The following SINHCAF variants were observed in gnomAD, a reference collection of about 807,000 sequenced individuals.
SINHCAF encodes SIN3-HDAC complex associated factor, also known as SIN3-HDAC complex-associated factor.
In SINHCAF, 3 loss-of-function variants were observed where a neutral mutation model predicts 25.8. The observed-to-expected ratio is 0.12, with a 90% CI of 0.05 to 0.30. SINHCAF has a LOEUF of 0.30. Among genes scored for constraint, SINHCAF ranks in the 10% least tolerant of loss-of-function variants. The pLI, the probability that SINHCAF is intolerant of heterozygous loss-of-function variation, is 1.00. For missense variants in SINHCAF, 121 were observed against 262.3 expected, an observed-to-expected ratio of 0.46 and a Z score of 3.72; for synonymous variants, 70 against 85.5, an observed-to-expected ratio of 0.82 and a Z score of 1.00.
At chr12:31,316,786 T>A (rs748598943) in intron 1 of SINHCAF, among the ~76,000 whole-genome samples, 5 of 152,218 alleles carry the variant, frequency 3.3e-5, no homozygotes, top group Admixed American at 6.5e-5. Flanking sequence ...TGAAAAATAC[T>A]GAAATGCAAA....
chr12:31,301,496 T>C (rs1032224435), intron 1 of SINHCAF, among the ~76,000 whole-genome samples: 8 of 152,214 alleles, frequency 5.3e-5, no homozygotes, highest in Non-Finnish European at 1.0e-4. Flanking sequence ...CCTGTCCTTA[T>C]GCAACACACA....
At chr12:31,307,079 T>C (rs949645797) in intron 1 of SINHCAF, among the ~76,000 whole-genome samples, 1 of 152,052 alleles carries the variant, frequency 6.6e-6, no homozygotes, top group East Asian at 1.9e-4. Context: ...GATGAAGTAA[T>C]GAGAGGTCTT....
intron 1 of SINHCAF, among the ~76,000 whole-genome samples, chr12:31,314,003 C>T (rs183820151): frequency 1.3e-5 from 2 of 151,536 alleles, no homozygotes; most frequent in Non-Finnish European, 2.9e-5. Context: ...AATTAGGAAT[C>T]CCCCACCTAT....
chr12:31,298,280 TA>T (rs758026378), intron 1 of SINHCAF, 56 bp from the exon 2 acceptor site: 43 of 1,597,226 alleles, frequency 2.7e-5, no homozygotes, highest in East Asian at 2.2e-5. Flanking sequence ...AAGGAACCAT[TA>T]AAGAGTTCTC....
At chr12:31,306,739 A>G (rs1000582758) in intron 1 of SINHCAF, among the ~76,000 whole-genome samples, 3 of 151,604 alleles carry the variant, frequency 2.0e-5, no homozygotes, top group Non-Finnish European at 2.9e-5. Flanking sequence ...AGACTAGTCC[A>G]TTTTTTTACG....
At chr12:31,286,240 T>C (rs1017559228) in intron 5 of SINHCAF, among the ~76,000 whole-genome samples, 1 of 152,172 alleles carries the variant, frequency 6.6e-6, no homozygotes, top group Non-Finnish European at 1.5e-5. Flanking sequence ...ATACCTGTTG[T>C]CTAAGTAAAA....
At chr12:31,286,658 G>C (rs117342772) in intron 5 of SINHCAF, among the ~76,000 whole-genome samples, 4 of 131,020 alleles carry the variant, frequency 3.1e-5, no homozygotes, top group Non-Finnish European at 6.3e-5. Context: ...GCAAAACTCC[G>C]TCTCAAAAAA....
At chr12:31,294,330 T>C (rs74701082) in intron 3 of SINHCAF, among the ~76,000 whole-genome samples, 1,744 of 152,288 alleles carry the variant, frequency 0.011, 16 homozygotes, top group East Asian at 0.037. Flanking sequence ...GAGCTACTTT[T>C]GTTACTCCAA....
chr12:31,286,656 C>A (rs1280893286), intron 5 of SINHCAF, among the ~76,000 whole-genome samples: 1 of 147,628 alleles, frequency 6.8e-6, no homozygotes, highest in African/African-American at 2.5e-5. Context: ...GAGCAAAACT[C>A]CGTCTCAAAA....
chr12:31,302,081 G>A (rs1938820550), intron 1 of SINHCAF, among the ~76,000 whole-genome samples: 1 of 152,062 alleles, frequency 6.6e-6, no homozygotes, highest in African/African-American at 2.4e-5. Flanking sequence ...AAGGAAGAAA[G>A]GTAATACTAT....
intron 1 of SINHCAF, among the ~76,000 whole-genome samples, chr12:31,310,414 C>T (rs1265643905): frequency 1.3e-5 from 2 of 152,146 alleles, no homozygotes; most frequent in Non-Finnish European, 2.9e-5. Context: ...TCAGAGGAGT[C>T]CTAGTTTTCC....
chr12:31,302,614 C>T (rs77098149), intron 1 of SINHCAF, among the ~76,000 whole-genome samples: 1,717 of 151,410 alleles, frequency 0.011, 17 homozygotes, highest in East Asian at 0.037. Context: ...AAGCAGATTA[C>T]ACGAGGCACG....
At chr12:31,302,823 T>A (rs1938863069) in intron 1 of SINHCAF, 18 of 537,358 alleles carry the variant, frequency 3.3e-5, no homozygotes, top group Non-Finnish European at 3.8e-5. Context: ...CCATCCTGCC[T>A]TTGTTCTATA....
chr12:31,305,539 C>T (rs1373893464), intron 1 of SINHCAF, among the ~76,000 whole-genome samples: 1 of 152,046 alleles, frequency 6.6e-6, no homozygotes, highest in East Asian at 1.9e-4. Flanking sequence ...AGGTGAAAAG[C>T]CTCCATAAAT....
intron 1 of SINHCAF, among the ~76,000 whole-genome samples, chr12:31,315,935 G>A (rs922908279): frequency 1.3e-5 from 2 of 152,166 alleles, no homozygotes; most frequent in Non-Finnish European, 2.9e-5. Context: ...GGATGCCAAG[G>A]TGGGTGGATC....
intron 1 of SINHCAF, among the ~76,000 whole-genome samples, chr12:31,316,077 G>A (rs535270942): frequency 6.6e-6 from 1 of 152,224 alleles, no homozygotes; most frequent in African/African-American, 2.4e-5. Flanking sequence ...GGCTGAGGCA[G>A]CAGAATTGCT....
chr12:31,322,693 G>C (rs546742729), intron 1 of SINHCAF, among the ~76,000 whole-genome samples: 242 of 152,284 alleles, frequency 1.6e-3, no homozygotes, highest in African/African-American at 5.2e-3. Context: ...AAAAAAAATG[G>C]ATTTCAACTA....
At chr12:31,307,548 C>T (rs1233768661) in intron 1 of SINHCAF, among the ~76,000 whole-genome samples, 1 of 151,616 alleles carries the variant, frequency 6.6e-6, no homozygotes, top group Non-Finnish European at 1.5e-5. Flanking sequence ...GAGCAAGACC[C>T]TGTCTAAAAA....
intron 1 of SINHCAF, among the ~76,000 whole-genome samples, chr12:31,300,702 A>C (rs534941511): frequency 6.6e-6 from 1 of 152,342 alleles, no homozygotes; most frequent in East Asian, 1.9e-4. Flanking sequence ...AAGAAAGCAG[A>C]GTAGCAGTTA....
Sources: allele counts gnomAD v4.1 joint callset (sites outside exome capture counted in the v4.1 genomes callset), GRCh38; gene constraint gnomAD v4.1.1; transcripts MANE v1.5; gene names NCBI Gene and HGNC (gene_info 2026-07-23, HGNC 2026-07-21).